The following CTNND2 variants were observed in gnomAD, a reference collection of about 807,000 sequenced individuals.
CTNND2 encodes the protein catenin delta 2.
CTNND2 carries 22 observed loss-of-function variants against 144.4 expected under a neutral mutation model. The ratio of observed to expected loss-of-function variants is 0.15; its 90% CI spans 0.11 to 0.22. CTNND2 has a LOEUF of 0.22. Ranked by LOEUF, CTNND2 falls within the 10% of genes least tolerant of loss-of-function variation. The probability of loss-of-function intolerance (pLI) is 1.00; values close to 1 mark genes in which losing one functional copy is unlikely to be tolerated. For synonymous variants in CTNND2, 751 were observed against 695.6 expected (o/e 1.08, Z -1.25); for missense variants, 1,353 against 1,618.8 (o/e 0.84, Z 2.82).
At chr5:11,380,890 C>A (rs1406935875) in intron 7 of CTNND2, among the ~76,000 whole-genome samples, 1 of 152,196 alleles carries the variant, frequency 6.6e-6, no homozygotes, top group Non-Finnish European at 1.5e-5. Context: ...CTGCATATAT[C>A]CCACTTTCTA....
chr5:11,471,072 G>A (rs2149954852), intron 3 of CTNND2, among the ~76,000 whole-genome samples: 1 of 149,392 alleles, frequency 6.7e-6, no homozygotes, highest in East Asian at 2.0e-4. Flanking sequence ...CCGCCTCCCA[G>A]GTTCAAACCA....
intron 2 of CTNND2, among the ~76,000 whole-genome samples, chr5:11,707,265 C>A (rs1334804692): frequency 6.6e-6 from 1 of 151,992 alleles, no homozygotes; most frequent in Admixed American, 6.6e-5. Flanking sequence ...AAAGTGAGAA[C>A]TAGGTGTCCC....
chr5:11,832,436 T>C (rs976331688), intron 1 of CTNND2, among the ~76,000 whole-genome samples: 1 of 151,354 alleles, frequency 6.6e-6, no homozygotes, highest in African/African-American at 2.4e-5. Context: ...AAAACAAAAA[T>C]AAACAAATAA....
chr5:11,045,963 A>ATAT (rs1401757994), intron 16 of CTNND2, among the ~76,000 whole-genome samples: 2 of 152,084 alleles, frequency 1.3e-5, no homozygotes, highest in African/African-American at 4.8e-5. Context: ...TTAACCAGAA[A>ATAT]TATTAAGTGG....
At chr5:11,572,237 G>A (rs967088847) in intron 2 of CTNND2, among the ~76,000 whole-genome samples, 1 of 152,132 alleles carries the variant, frequency 6.6e-6, no homozygotes, top group Non-Finnish European at 1.5e-5. Context: ...TGGTCCCTCT[G>A]CTCTCCTTCT....
chr5:11,635,233 C>G (rs919124808), intron 2 of CTNND2, among the ~76,000 whole-genome samples: 1 of 151,780 alleles, frequency 6.6e-6, no homozygotes, highest in African/African-American at 2.4e-5. Flanking sequence ...GAATATGGAA[C>G]AAAAATGAGT....
At chr5:11,627,089 G>A (rs1781197132) in intron 2 of CTNND2, among the ~76,000 whole-genome samples, 1 of 152,116 alleles carries the variant, frequency 6.6e-6, no homozygotes, top group African/African-American at 2.4e-5. Flanking sequence ...CCAAAATTGG[G>A]TCATGAGGAG....
intron 17 of CTNND2, among the ~76,000 whole-genome samples, chr5:11,018,771 C>T (rs550076576): frequency 1.4e-5 from 2 of 141,304 alleles, no homozygotes; most frequent in African/African-American, 2.7e-5. Flanking sequence ...AGTGCAGTGG[C>T]GAGATCTTGG....
In CTNND2 at chr5:11,401,834, C is replaced by A. The variant is rs140312092; in HGVS notation, c.440-4631G>T. Among the ~76,000 whole-genome samples the A allele has an allele frequency of 8.8e-4, 134 of 152,252 alleles. 1 individual carries two copies. The East Asian group carries it at 0.014, about 16-fold the overall frequency. ...TTAAGCACACTTCATGATTCTGTCA[C>A]AACAAATTGTAATCTTTCCAAATTT... On this transcript the variant is annotated intron_variant, in intron 5 of 21. Transcript: ENST00000304623.
chr5:11,282,429 G>C (rs1747253953), intron 9 of CTNND2, among the ~76,000 whole-genome samples: 1 of 152,172 alleles, frequency 6.6e-6, no homozygotes, highest in South Asian at 2.1e-4. Context: ...CAAACATGAT[G>C]TCGGGAAGAT....
intron 9 of CTNND2, among the ~76,000 whole-genome samples, chr5:11,262,538 G>A (rs1744973025): frequency 6.6e-6 from 1 of 151,882 alleles, no homozygotes; most frequent in Non-Finnish European, 1.5e-5. Flanking sequence ...CGAGGCGGGT[G>A]GATCACGAGG....
intron 2 of CTNND2, among the ~76,000 whole-genome samples, chr5:11,725,948 T>C (rs938613371): frequency 6.6e-6 from 1 of 152,252 alleles, no homozygotes; most frequent in Non-Finnish European, 1.5e-5. Context: ...GAATATTCTA[T>C]GGGTTAATTT....
chr5:11,772,099 T>G (rs895658717), intron 1 of CTNND2, among the ~76,000 whole-genome samples: 1 of 152,234 alleles, frequency 6.6e-6, no homozygotes, highest in African/African-American at 2.4e-5. Context: ...TTCTAGGAGA[T>G]AGCAGATTTT....
chr5:11,611,144 G>C (rs1240775097), intron 2 of CTNND2, among the ~76,000 whole-genome samples: 1 of 151,998 alleles, frequency 6.6e-6, no homozygotes, highest in Non-Finnish European at 1.5e-5. Context: ...GTTTTATAAG[G>C]GGCTCTTCCC....
rs182654064 is a variant in CTNND2, at chr5:11,545,554, C to T, written c.287+19390G>A. Reference sequence around the variant, plus strand: ...GCGGGTGCCTGTAATCTCAGGTCCTCGGGAGACTGAAGGCAGGAGAATTGC... The same window carrying T: ...GCGGGTGCCTGTAATCTCAGGTCCTTGGGAGACTGAAGGCAGGAGAATTGC... On this transcript the variant is annotated intron_variant, in intron 3 of 21. Coordinates refer to ENST00000304623, the MANE Select transcript of CTNND2 (RefSeq NM_001332.4). 2.1e-3 allele frequency among the ~76,000 whole-genome samples: 304 copies of T among 147,194 alleles called. 1 individual carries two copies. Among genetic ancestry groups the T allele is most frequent in the Middle Eastern group, 3.7e-3 (1 of 272 alleles).
At chr5:11,372,264 T>C (rs1757534741) in intron 7 of CTNND2, among the ~76,000 whole-genome samples, 1 of 152,228 alleles carries the variant, frequency 6.6e-6, no homozygotes, top group Non-Finnish European at 1.5e-5. Flanking sequence ...ATCTCATCCC[T>C]AGAAAAGTAT....
Position 11,310,305 on chromosome 5 carries a change from G to A in CTNND2, c.1628+36067C>T, listed in dbSNP as rs541158493. The stretch of plus-strand genomic sequence containing the variant: ...TGCACAGGCCTGGCACCTAGTAGGT[G>A]TTCCAAAAAATCCTTGTTGACTGAG... On this transcript the variant is annotated intron_variant, in intron 9 of 21. Coordinates refer to ENST00000304623, the MANE Select transcript of CTNND2 (RefSeq NM_001332.4). Among the ~76,000 whole-genome samples the A allele has an allele frequency of 9.3e-4, 142 of 152,076 alleles. 1 individual carries two copies. The highest frequency in any genetic ancestry group is 3.3e-3 in the African/African-American group (137 of 41,438).
At chr5:11,059,704 G>C (rs772305755) in intron 16 of CTNND2, among the ~76,000 whole-genome samples, 1 of 151,716 alleles carries the variant, frequency 6.6e-6, no homozygotes, top group Non-Finnish European at 1.5e-5. Context: ...AAATAGCTTG[G>C]GACAAAAATC....
chr5:11,711,061 C>T (rs960142123), intron 2 of CTNND2, among the ~76,000 whole-genome samples: 2 of 150,744 alleles, frequency 1.3e-5, no homozygotes, highest in Non-Finnish European at 2.9e-5. Flanking sequence ...CAATGATTGG[C>T]TTAATTTTTT....
Sources: allele counts gnomAD v4.1 joint callset (sites outside exome capture counted in the v4.1 genomes callset), GRCh38; gene constraint gnomAD v4.1.1; transcripts MANE v1.5; gene names NCBI Gene and HGNC (gene_info 2026-07-23, HGNC 2026-07-21).